PLEKHA7: variants seen among roughly 807,000 people sequenced by gnomAD.
The protein encoded by PLEKHA7 is pleckstrin homology domain containing A7.
In PLEKHA7, 104 loss-of-function variants were observed where a neutral mutation model predicts 170.0. That is an observed-to-expected ratio of 0.61 (90% CI 0.52 to 0.72). The LOEUF is 0.72. Among genes scored for constraint, PLEKHA7 ranks in the 30% least tolerant of loss-of-function variants. The pLI is 0.00. For synonymous variants in PLEKHA7, 648 were observed against 660.8 expected (o/e 0.98, Z 0.30); for missense variants, 1,615 against 1,671.7 (o/e 0.97, Z 0.59).
intron 3 of PLEKHA7, among the ~76,000 whole-genome samples, chr11:16,991,199 T>C (rs1453852976): frequency 2.6e-5 from 4 of 152,062 alleles, no homozygotes; most frequent in South Asian, 4.2e-4. Context: ...CAGCAGCTGA[T>C]TGGCTTCTCA....
intron 3 of PLEKHA7, among the ~76,000 whole-genome samples, chr11:16,888,815 C>A (rs1427489205): frequency 2.0e-5 from 3 of 151,258 alleles, no homozygotes; most frequent in Non-Finnish European, 4.4e-5. Context: ...AAATCCCCCT[C>A]TGCGAGAAAC....
At chr11:16,837,488 A>G (rs1353271621) in intron 9 of PLEKHA7, among the ~76,000 whole-genome samples, 1 of 152,198 alleles carries the variant, frequency 6.6e-6, no homozygotes, top group African/African-American at 2.4e-5. Flanking sequence ...TGCCATCTCT[A>G]GTGTAATAAC....
At chr11:16,953,848 G>A (rs1302638638) in intron 3 of PLEKHA7, among the ~76,000 whole-genome samples, 2 of 152,182 alleles carry the variant, frequency 1.3e-5, no homozygotes, top group African/African-American at 4.8e-5. Context: ...GGGTGCTTAT[G>A]GGTTTCTTTC....
intron 3 of PLEKHA7, among the ~76,000 whole-genome samples, chr11:16,948,982 G>A (rs1233190681): frequency 2.6e-5 from 4 of 152,110 alleles, no homozygotes; most frequent in South Asian, 2.1e-4. Flanking sequence ...CATTTAAGAT[G>A]TGAATCTTTC....
Position 16,782,759 on chromosome 11 carries a change from AC to A in PLEKHA7, c.3787del (p.Val1263TrpfsTer6), listed in dbSNP as rs1427771690. 1.3e-6 allele frequency: 2 copies of A among 1,535,914 alleles called. No individual in the cohort carries two copies. The highest frequency in any genetic ancestry group is 2.7e-5 in the African/African-American group (2 of 73,054). The part of the protein sequence containing the change: ...ASEASQRSKQ[V>X]AAQAVTDP ...GGGCTGGGCCATGGCCTTACCTGCC[AC>A]CTGCTTGCTACGCTGGGAGGCCTCG... On this transcript the variant is annotated frameshift_variant, in exon 26 of 27. Transcript: ENST00000531066. LOFTEE classifies it high-confidence loss of function.
chr11:16,960,546 G>A (rs75965752), intron 3 of PLEKHA7, among the ~76,000 whole-genome samples: 2,632 of 152,180 alleles, frequency 0.017, 90 homozygotes, highest in African/African-American at 0.061. Context: ...AGGGGTTCTA[G>A]GAAGGCCCTT....
At chr11:16,997,936 G>C (rs916596967) in intron 3 of PLEKHA7, among the ~76,000 whole-genome samples, 2 of 152,208 alleles carry the variant, frequency 1.3e-5, no homozygotes, top group African/African-American at 4.8e-5. Flanking sequence ...GTGGAGACAG[G>C]CCAAGCTGGA....
chr11:16,825,503 G>A (rs189699960), intron 10 of PLEKHA7, among the ~76,000 whole-genome samples: 1 of 152,354 alleles, frequency 6.6e-6, no homozygotes, highest in East Asian at 1.9e-4. Flanking sequence ...GGACAACGGG[G>A]AAGCTAGTGA....
chr11:16,859,013 G>C (rs1041357696), intron 4 of PLEKHA7, among the ~76,000 whole-genome samples: 1 of 152,116 alleles, frequency 6.6e-6, no homozygotes, highest in Non-Finnish European at 1.5e-5. Flanking sequence ...ACTCCTCATG[G>C]TCTACACCGC....
At position 16,794,533 on chromosome 11, in the gene PLEKHA7, T is replaced by C; in HGVS notation, c.2700A>G (p.Lys900=). ...PYRPHPPQLR[K]VTSPLQSPTK... is the part of the protein sequence containing the mutation. ...TTGGTGACTGAAGGGGGGATGTCAC[T>C]TTCCTCAGCTGGGGTGGGTGAGGTC... The change falls in exon 19 of 27, where the codon AAA becomes AAG. Residue 900 remains lysine, a synonymous_variant. Transcript: ENST00000531066. 6.2e-7 allele frequency: 1 copy of C among 1,613,972 alleles called. No individual in the cohort carries two copies. The highest frequency in any genetic ancestry group is 8.5e-7 in the Non-Finnish European group (1 of 1,179,998).
rs1848702665 is a variant in PLEKHA7 at position 16,802,999 on chromosome 11, G to C, written c.2130C>G (p.Asp710Glu). Residue 710 changes from aspartate (D) to glutamate (E), a missense_variant, in exon 15 of 27, where the codon GAC becomes GAG. By Grantham distance (45) the Asp-to-Glu change is conservative (BLOSUM62 2). Transcript: ENST00000531066. ...TGTTCTCTTTAAGGGCTCGTATCTT[G>C]TCTTCCAAGTCCTGGAGGACCCTGT... The part of the protein sequence containing the change: ...EQDRVLQDLE[D>E]KIRALKENKD... 1 of 1,614,122 alleles carries C rather than the reference G, an allele frequency of 6.2e-7. No homozygotes were observed. The highest frequency in any genetic ancestry group is 1.3e-5 in the African/African-American group (1 of 75,032).
intron 3 of PLEKHA7, among the ~76,000 whole-genome samples, chr11:16,915,402 TG>T (rs1397337790): frequency 1.3e-5 from 2 of 152,158 alleles, no homozygotes; most frequent in African/African-American, 2.4e-5. Flanking sequence ...AGGGTACATG[TG>T]CACGATGTGC....
At chr11:16,929,637 T>C (rs1242629252) in intron 3 of PLEKHA7, among the ~76,000 whole-genome samples, 1 of 152,228 alleles carries the variant, frequency 6.6e-6, no homozygotes, top group Non-Finnish European at 1.5e-5. Flanking sequence ...ACTTTCCTTT[T>C]AGGGGGTGGA....
chr11:16,851,473 G>C (rs56005045), intron 7 of PLEKHA7, among the ~76,000 whole-genome samples, 182 bp from the exon 8 acceptor site: 24,658 of 151,918 alleles, frequency 0.16, 2,379 homozygotes, highest in Non-Finnish European at 0.23. Context: ...TTTTGAGACG[G>C]AGTTTCGCTC....
At chr11:16,815,330 A>G (rs1849669185) in intron 12 of PLEKHA7, 2 of 152,688 alleles carry the variant, frequency 1.3e-5, no homozygotes, top group Non-Finnish European at 2.9e-5. Context: ...GGAAGTTAGC[A>G]CCGCAGGAGC....
chr11:16,889,400 C>CAAAAAAAAAAA lies in PLEKHA7; in HGVS notation c.222-18229_222-18219dup, dbSNP rs869268116. On this transcript the variant is annotated intron_variant, in intron 3 of 26. Coordinates refer to ENST00000531066, the MANE Select transcript of PLEKHA7 (RefSeq NM_001329630.2). The stretch of plus-strand genomic sequence containing the variant: ...CAGGTGAATTAAAAGCTTTATTGCT[C>CAAAAAAAAAAA]AAAAAAAAAAAAAAAAAAAAATATA... Among the ~76,000 whole-genome samples, 17 of 52,736 alleles carry CAAAAAAAAAAA rather than the reference C, an allele frequency of 3.2e-4. 3 individuals are homozygous for CAAAAAAAAAAA. The highest frequency in any genetic ancestry group is 5.6e-4 in the Non-Finnish European group (13 of 23,050). 34.6% of individuals were successfully genotyped at this position (52,736 alleles called of 152,430 possible). A position where few individuals can be genotyped will look rare whatever the true frequency, so the allele number is the denominator to read the frequency against.
At position 16,791,704 on chromosome 11, in the gene PLEKHA7, C is replaced by A. The variant is rs1379005803; in HGVS notation, c.2746-505G>T. On this transcript the variant is annotated intron_variant, in intron 19 of 26. Transcript: ENST00000531066. This position sits in a 1 kb window ranked among gnomAD's most constrained non-coding sequence, Gnocchi z 4.5. The stretch of plus-strand genomic sequence containing the variant: ...CCTGAACAAGGACAGAGTCTACATC[C>A]TCCTGGCCTTTCTATCAGAAATGTG... 8.7e-6 allele frequency: 4 copies of A among 457,592 alleles called. No individual in the cohort carries two copies. Among genetic ancestry groups the A allele is most frequent in the South Asian group, 1.5e-5 (1 of 64,552 alleles). The allele number at this position is 457,592 out of a possible 1,614,324, so 28.3% of individuals were successfully genotyped here. A position where few individuals can be genotyped will look rare whatever the true frequency, so the allele number is the denominator to read the frequency against.
chr11:16,968,896 C>T (rs1006506165), intron 3 of PLEKHA7, among the ~76,000 whole-genome samples: 1 of 152,120 alleles, frequency 6.6e-6, no homozygotes, highest in Non-Finnish European at 1.5e-5. Context: ...CTCTAATATG[C>T]CCCCCATACC....
In PLEKHA7 at chr11:16,817,036, C is replaced by T. The variant is rs374219623; in HGVS notation, c.1630G>A (p.Gly544Ser). The change falls in exon 11 of 27, where the codon GGC (glycine) becomes AGC (serine). Residue 544 changes from glycine to serine, a missense_variant. Transcript: ENST00000531066. The surrounding 1 kb of genome is among the most constrained non-coding windows in gnomAD (Gnocchi z 4.4). Reference sequence around the variant, plus strand: ...CCCTGGTCGGTGAACTCTGGGGAGCCAAGGCAGATGGGCGCTGTGGGGCTG... The same window carrying T: ...CCCTGGTCGGTGAACTCTGGGGAGCTAAGGCAGATGGGCGCTGTGGGGCTG... The part of the protein sequence containing the change: ...HGSPTAPICL[G>S]SPEFTDQGRS... The T allele has an allele frequency of 9.4e-5, 151 of 1,606,466 alleles. 1 individual carries two copies. Among genetic ancestry groups the T allele is most frequent in the Middle Eastern group, 5.0e-4 (3 of 6,016 alleles).
Sources: allele counts gnomAD v4.1 joint callset (sites outside exome capture counted in the v4.1 genomes callset), GRCh38; gene constraint gnomAD v4.1.1; non-coding constraint Gnocchi (gnomAD v3.1); transcripts MANE v1.5; gene names NCBI Gene and HGNC (gene_info 2026-07-23, HGNC 2026-07-21).